Variants in PTBP1 observed in about 807,000 individuals in gnomAD.
PTBP1 encodes the protein polypyrimidine tract-binding protein 1.
PTBP1 carries 8 observed loss-of-function variants against 59.8 expected under a neutral mutation model. That is an observed-to-expected ratio of 0.13 (90% CI 0.08 to 0.24). The LOEUF is 0.24. Ranked by LOEUF, PTBP1 falls within the 10% of genes least tolerant of loss-of-function variation. The probability of loss-of-function intolerance (pLI) is 1.00; values close to 1 mark genes in which losing one functional copy is unlikely to be tolerated. For missense variants in PTBP1, 686 were observed against 767.0 expected, an observed-to-expected ratio of 0.89 and a Z score of 1.25; for synonymous variants, 490 against 320.7, an observed-to-expected ratio of 1.53 and a Z score of -5.64.
At chr19:802,800 G>A (rs535418507) in intron 2 of PTBP1, among the ~76,000 whole-genome samples, 2 of 152,328 alleles carry the variant, frequency 1.3e-5, no homozygotes, top group African/African-American at 2.4e-5. Context: ...CTGAGCCTAG[G>A]ATCAGTCTAG....
In PTBP1 at chr19:811,409, CG is replaced by C. The variant is rs1482487649; in HGVS notation, c.*585del. The C allele has an allele frequency of 6.6e-6, 1 of 152,514 alleles. No individual in the cohort carries two copies. Among genetic ancestry groups the C allele is most frequent in the African/African-American group, 2.4e-5 (1 of 41,456 alleles). The allele number at this position is 152,514 out of a possible 1,614,324, so 9.4% of individuals were successfully genotyped here. On this transcript the variant is annotated 3_prime_UTR_variant, in exon 15 of 15. Coordinates refer to ENST00000356948, the MANE Select transcript of PTBP1 (RefSeq NM_002819.5). Reference sequence around the variant, plus strand: ...GGCGGGCTCCCCGCTGCTCCAGCTGCGGAGCTGGTCGACATAATCTCTGTAT... The same window carrying C: ...GGCGGGCTCCCCGCTGCTCCAGCTGCGAGCTGGTCGACATAATCTCTGTAT...
In PTBP1 at chr19:811,792, C is replaced by G. The variant is rs377260311; in HGVS notation, c.*966C>G. 1 of 152,484 alleles carries G rather than the reference C, an allele frequency of 6.6e-6. No individual in the cohort carries two copies. Among genetic ancestry groups the G allele is most frequent in the African/African-American group, 2.4e-5 (1 of 41,472 alleles). The allele number at this position is 152,484 out of a possible 1,614,324, so 9.4% of individuals were successfully genotyped here. On this transcript the variant is annotated 3_prime_UTR_variant, in exon 15 of 15. Coordinates refer to ENST00000356948, the MANE Select transcript of PTBP1 (RefSeq NM_002819.5). ...CGCCTCCGGTTGCCTTACACCACGC[C>G]TTCACCTGCAGTCGCCTAGAAAACT...
At chr19:802,054 C>A (rs1369165999) in intron 2 of PTBP1, among the ~76,000 whole-genome samples, 6 of 152,190 alleles carry the variant, frequency 3.9e-5, no homozygotes, top group East Asian at 1.9e-4. Flanking sequence ...CTGAGTGATT[C>A]CTGGTTCCGG....
chr19:798,218 G>C (rs1268035234), intron 1 of PTBP1, among the ~76,000 whole-genome samples: 1 of 152,070 alleles, frequency 6.6e-6, no homozygotes, highest in East Asian at 1.9e-4. Context: ...AGGGACCCCC[G>C]CGGGCGCCGT....
intron 10 of PTBP1, 78 bp downstream of exon 10, chr19:806,634 G>T (rs351977): frequency 0.11 from 146,914 of 1,364,702 alleles, 11,619 homozygotes; most frequent in African/African-American, 0.41. Flanking sequence ...CTCGGGTCCC[G>T]GAGCAGCGCC....
chr19:803,352 G>T (rs558189817), intron 2 of PTBP1, among the ~76,000 whole-genome samples: 31 of 152,362 alleles, frequency 2.0e-4, no homozygotes, highest in African/African-American at 7.0e-4. Flanking sequence ...GGAAAAAGGA[G>T]CAGTGTTTTG....
intron 8 of PTBP1, 127 bp downstream of exon 8, chr19:805,314 G>A: frequency 1.6e-6 from 2 of 1,253,150 alleles, no homozygotes; most frequent in East Asian, 2.3e-5. Context: ...TGCACGGCCA[G>A]CACAGCACGG....
rs2034838805 is a variant in PTBP1, at chr19:811,009, G to T, written c.*183G>T. On this transcript the variant is annotated 3_prime_UTR_variant, in exon 15 of 15. Transcript: ENST00000356948. ...CACCTTGCTCACCCTGCGGTGACAGGGACAGCTCAGGCTCTTGGTGACTGT... is the reference window on the plus strand; with the variant it reads ...CACCTTGCTCACCCTGCGGTGACAGTGACAGCTCAGGCTCTTGGTGACTGT... The T allele has an allele frequency of 3.3e-6, 2 of 608,762 alleles. No homozygotes were observed. 37.7% of individuals were successfully genotyped at this position (608,762 alleles called of 1,614,324 possible).
At chr19:798,239 GGCCTTCCCGGCTCTCGGGCCGGGGCA>G in intron 1 of PTBP1, among the ~76,000 whole-genome samples, 1 of 152,184 alleles carries the variant, frequency 6.6e-6, no homozygotes, top group Middle Eastern at 3.4e-3. Context: ...CATGGGGAGG[GGCCTTCCCGGCTCTCGGGCCGGGGCA>G]GCCTTTCCGG....
At chr19:810,656 G>C (rs2034820564) in intron 14 of PTBP1, 36 bp downstream of exon 14, 1 of 1,612,262 alleles carries the variant, frequency 6.2e-7, no homozygotes. Context: ...GCTCTCCCCA[G>C]GCTGCCCTGC....
rs1032173623 is a variant in PTBP1 at position 811,504 on chromosome 19, T to C, written c.*678T>C. 1.3e-5 allele frequency: 2 copies of C among 152,480 alleles called. No homozygotes were observed. Among genetic ancestry groups the C allele is most frequent in the African/African-American group, 4.8e-5 (2 of 41,454 alleles). 9.4% of individuals were successfully genotyped at this position (152,480 alleles called of 1,614,324 possible). On this transcript the variant is annotated 3_prime_UTR_variant, in exon 15 of 15. Coordinates refer to ENST00000356948, the MANE Select transcript of PTBP1 (RefSeq NM_002819.5). ...CAGTTGACCAAATATTCTAATCTTT[T>C]TTCATTTATATGCAAAAGAAATAGT...
rs759627279 is a variant in PTBP1, at chr19:804,997, G to T, written c.718-16G>T. 2 of 1,612,992 alleles carry T rather than the reference G, an allele frequency of 1.2e-6. No individual in the cohort carries two copies. Among genetic ancestry groups the T allele is most frequent in the Admixed American group, 1.7e-5 (1 of 59,988 alleles). On this transcript the variant is annotated splice_polypyrimidine_tract_variant and intron_variant, in intron 7 of 14. Coordinates refer to ENST00000356948, the MANE Select transcript of PTBP1 (RefSeq NM_002819.5). ...GGCCCTGGCCCGGCGACGTCTCACGGTCCCTCTCCCCTCAGTCGCTGGACG... is the reference window on the plus strand; with the variant it reads ...GGCCCTGGCCCGGCGACGTCTCACGTTCCCTCTCCCCTCAGTCGCTGGACG...
chr19:799,522 T>G, intron 2 of PTBP1, 79 bp downstream of exon 2: 4 of 1,424,042 alleles, frequency 2.8e-6, no homozygotes, highest in Non-Finnish European at 4.0e-6. Flanking sequence ...CCAGCGCTGT[T>G]GCGTTGGCTA....
chr19:808,346 C>T lies in PTBP1; in HGVS notation c.1154-14C>T, dbSNP rs949497934. Reference sequence around the variant, plus strand: ...GCAGCAGGAGACTCAGGCCCCATCCCTGGGCTTTTGAAGGCGTCTACGGTG... The same window carrying T: ...GCAGCAGGAGACTCAGGCCCCATCCTTGGGCTTTTGAAGGCGTCTACGGTG... On this transcript the variant is annotated splice_polypyrimidine_tract_variant and intron_variant, in intron 11 of 14. Transcript: ENST00000356948. This position sits in a 1 kb window ranked among gnomAD's most constrained non-coding sequence, Gnocchi z 4.7. 3.2e-6 allele frequency: 5 copies of T among 1,584,746 alleles called. No homozygotes were observed. The highest frequency in any genetic ancestry group is 1.3e-5 in the African/African-American group (1 of 74,326).
intron 8 of PTBP1, 50 bp from the exon 9 acceptor site, chr19:805,442 C>G (rs2034523074): frequency 6.5e-7 from 1 of 1,545,822 alleles, no homozygotes; most frequent in Non-Finnish European, 8.9e-7. Context: ...ACAGCGCCCG[C>G]TCGCGGTGGA....
chr19:806,886 GAC>G (rs1234467644), intron 10 of PTBP1: 2 of 226,484 alleles, frequency 8.8e-6, no homozygotes, highest in Non-Finnish European at 1.7e-5. Context: ...TGGTCAGCGG[GAC>G]ACACAGGGTT....
rs1385003957 is a variant in PTBP1, at chr19:806,410, C to T, written c.973C>T (p.Leu325Phe). The T allele has an allele frequency of 1.9e-6, 3 of 1,601,604 alleles. No individual in the cohort carries two copies. The highest frequency in any genetic ancestry group is 2.7e-5 in the African/African-American group (2 of 73,446). Residue 325 changes from leucine (L) to phenylalanine (F), a missense_variant and splice_region_variant, in exon 10 of 15, where the codon CTT becomes TTT. Leu to Phe is a conservative substitution (Grantham distance 22). Transcript: ENST00000356948. ...PTFAIPQAAG[L>F]SVPNVHGALA... is the part of the protein sequence containing the mutation. ...CATCTCACCTCCTGCTTTTCCAGGC[C>T]TTTCCGTTCCGAACGTCCACGGCGC...
intron 13 of PTBP1, among the ~76,000 whole-genome samples, chr19:809,181 G>T (rs1226810246): frequency 6.6e-6 from 1 of 151,898 alleles, no homozygotes; most frequent in Non-Finnish European, 1.5e-5. Flanking sequence ...GCTAATTTTT[G>T]TATTTTTAGT....
At chr19:799,988 G>A (rs1244656230) in intron 2 of PTBP1, among the ~76,000 whole-genome samples, 1 of 151,996 alleles carries the variant, frequency 6.6e-6, no homozygotes, top group East Asian at 1.9e-4. Flanking sequence ...GTGCAGTGGT[G>A]TGATCTTGGC....
Sources: allele counts gnomAD v4.1 joint callset (sites outside exome capture counted in the v4.1 genomes callset), GRCh38; gene constraint gnomAD v4.1.1; non-coding constraint Gnocchi (gnomAD v3.1); transcripts MANE v1.5; gene names NCBI Gene and HGNC (gene_info 2026-07-23, HGNC 2026-07-21).